WDFY4: variants seen among roughly 807,000 people sequenced by gnomAD.
The protein encoded by WDFY4 is WDFY family member 4.
In WDFY4, 169 loss-of-function variants were observed where a neutral mutation model predicts 351.9. The ratio of observed to expected loss-of-function variants is 0.48; its 90% CI spans 0.42 to 0.55. WDFY4 has a LOEUF of 0.55. Ranked by LOEUF, WDFY4 falls within the 20% of genes least tolerant of loss-of-function variation. The pLI, the probability that WDFY4 is intolerant of heterozygous loss-of-function variation, is 0.00. For missense variants in WDFY4, 3,803 were observed against 3,935.6 expected (o/e 0.97, Z 0.90); for synonymous variants, 1,622 against 1,574.6 (o/e 1.03, Z -0.71).
In WDFY4 at chr10:48,774,503, C is replaced by G; in HGVS notation, c.2599C>G (p.Leu867Val). The G allele has an allele frequency of 6.4e-7, 1 of 1,551,754 alleles. No individual in the cohort carries two copies. Among genetic ancestry groups the G allele is most frequent in the Non-Finnish European group, 8.7e-7 (1 of 1,147,010 alleles). Residue 867 changes from leucine (L) to valine (V), a missense_variant, in exon 14 of 62, where the codon CTG becomes GTG. Physicochemically the swap from Leu to Val is conservative, Grantham distance 32. This residue lies in a region of WDFY4 where 3,054 missense variants were observed against 3,148.6 expected (regional missense o/e 0.97). Transcript: ENST00000325239. ...CTCCCTGGCCAGTCATATCCAGTCC[C>G]TGGTGAAGTCGGAGAAGAACCGCCA... is the stretch of plus-strand genomic sequence containing the variant. Reference protein sequence around the residue: ...QCSLASHIQSLVKSEKNRQVM... With the variant: ...QCSLASHIQSVVKSEKNRQVM...
rs1460696387 is a variant in WDFY4 at position 48,837,106 on chromosome 10, A to G, written c.6663+4397A>G. ...TGTAACTTTTATGAAAATTGAAAATATTCTAAAATGCAATGTGTGTCATCA... is the reference window on the plus strand; with the variant it reads ...TGTAACTTTTATGAAAATTGAAAATGTTCTAAAATGCAATGTGTGTCATCA... On this transcript the variant is annotated intron_variant, in intron 39 of 61. Coordinates refer to ENST00000325239, the MANE Select transcript of WDFY4 (RefSeq NM_001394531.1). 2.6e-5 allele frequency among the ~76,000 whole-genome samples: 4 copies of G among 152,104 alleles called. No individual in the cohort carries two copies. In the East Asian group the frequency reaches 7.7e-4, roughly 29 times the overall value.
intron 43 of WDFY4, among the ~76,000 whole-genome samples, chr10:48,889,969 T>C (rs1297390527): frequency 6.6e-6 from 1 of 152,232 alleles, no homozygotes; most frequent in Non-Finnish European, 1.5e-5. Context: ...CCAGGGGCTG[T>C]ATTCAGCTAA....
chr10:48,943,293 C>T (rs1372078817), intron 48 of WDFY4, 37 bp from the exon 49 acceptor site: 6 of 1,548,568 alleles, frequency 3.9e-6, no homozygotes, highest in Non-Finnish European at 5.2e-6. Flanking sequence ...GAGCATCAAA[C>T]GTATTTGGTT....
intron 47 of WDFY4, among the ~76,000 whole-genome samples, chr10:48,932,936 G>T (rs567361916): frequency 6.6e-6 from 1 of 152,286 alleles, no homozygotes; most frequent in East Asian, 1.9e-4. Context: ...GGAGGGCGAA[G>T]AGCTGAGCAA....
chr10:48,732,540 C>T (rs1345606640), intron 9 of WDFY4, among the ~76,000 whole-genome samples: 1 of 152,184 alleles, frequency 6.6e-6, no homozygotes, highest in African/African-American at 2.4e-5. Flanking sequence ...TGTCTGTTTC[C>T]TGGGCCTCTC....
At chr10:48,980,099 G>A (rs529530407) in intron 60 of WDFY4, 1 of 152,164 alleles carries the variant, frequency 6.6e-6, no homozygotes, top group Non-Finnish European at 1.5e-5. Flanking sequence ...CTGACCCTAA[G>A]TCTCTGCCAC....
At chr10:48,872,780 C>A (rs1449102771) in intron 40 of WDFY4, among the ~76,000 whole-genome samples, 1 of 152,118 alleles carries the variant, frequency 6.6e-6, no homozygotes, top group Non-Finnish European at 1.5e-5. Context: ...AGTCAGAGAC[C>A]ACAGATGCAA....
At chr10:48,814,279 A>G (rs897646363) in intron 31 of WDFY4, among the ~76,000 whole-genome samples, 197 bp downstream of exon 31, 1 of 152,210 alleles carries the variant, frequency 6.6e-6, no homozygotes, top group Non-Finnish European at 1.5e-5. Flanking sequence ...TCTGAGCTTT[A>G]TGTGCTCTTG....
At chr10:48,839,857 C>G (rs1387387656) in intron 39 of WDFY4, among the ~76,000 whole-genome samples, 1 of 152,268 alleles carries the variant, frequency 6.6e-6, no homozygotes, top group Non-Finnish European at 1.5e-5. Flanking sequence ...AACTGCTCTA[C>G]TGGCGTGAGC....
chr10:48,810,019 A>C (rs757803378), intron 28 of WDFY4, among the ~76,000 whole-genome samples: 1 of 151,948 alleles, frequency 6.6e-6, no homozygotes, highest in African/African-American at 2.4e-5. Flanking sequence ...CTCCAGACTC[A>C]TCATTTTTGA....
At chr10:48,788,400 G>A in intron 20 of WDFY4, 130 bp from the exon 21 acceptor site, 2 of 1,137,936 alleles carry the variant, frequency 1.8e-6, no homozygotes, top group Non-Finnish European at 2.5e-6. Context: ...GCAAAAACAT[G>A]CAATGTGACA....
rs1334913861 is a variant in WDFY4 at position 48,777,424 on chromosome 10, T to A, written c.3104T>A (p.Leu1035Ter). ...FDMSVEGYGC[L>*]FIPTLSTVMG... ...AGACAATTTTCTATTTCCAGCTGTT[T>A]GTTTATTCCAACCCTGTCCACAGTT... The change falls in exon 17 of 62, where the codon TTG becomes TAG. Residue 1035 changes from leucine (L) to a stop codon, truncating the protein, a stop_gained. Transcript: ENST00000325239. LOFTEE classifies it high-confidence loss of function. 3 of 1,551,718 alleles carry A rather than the reference T, an allele frequency of 1.9e-6. No homozygotes were observed. Among genetic ancestry groups the A allele is most frequent in the Non-Finnish European group, 2.6e-6 (3 of 1,146,992 alleles).
At chr10:48,957,320 G>T in intron 52 of WDFY4, 38 bp downstream of exon 52, 1 of 1,539,178 alleles carries the variant, frequency 6.5e-7, no homozygotes, top group Non-Finnish European at 8.8e-7. Flanking sequence ...GAGTGGCGTT[G>T]CAGGGTGCTC....
intron 12 of WDFY4, among the ~76,000 whole-genome samples, chr10:48,756,067 C>A (rs1274761507): frequency 1.3e-5 from 2 of 151,976 alleles, no homozygotes; most frequent in African/African-American, 2.4e-5. Flanking sequence ...TACAAAAATT[C>A]CTGCTGGGAT....
intron 44 of WDFY4, among the ~76,000 whole-genome samples, chr10:48,891,934 A>G (rs531963644): frequency 6.6e-6 from 1 of 152,364 alleles, no homozygotes; most frequent in South Asian, 2.1e-4. Flanking sequence ...TTAGATCAAA[A>G]TGCTTTAAAA....
chr10:48,853,226 T>C lies in WDFY4; in HGVS notation c.6664-14039T>C, dbSNP rs191541876. On this transcript the variant is annotated intron_variant, in intron 39 of 61. Transcript: ENST00000325239. Reference sequence around the variant, plus strand: ...TTATCTCTCAGGAGTCTCTGTCGCCTGGTTGCTAATGACTCACAAGTCCAC... The same window carrying C: ...TTATCTCTCAGGAGTCTCTGTCGCCCGGTTGCTAATGACTCACAAGTCCAC... 1.9e-4 allele frequency among the ~76,000 whole-genome samples: 29 copies of C among 152,278 alleles called. No individual in the cohort carries two copies. The East Asian group carries it at 5.6e-3, about 29-fold the overall frequency.
At chr10:48,831,529 G>A (rs1055029467) in intron 38 of WDFY4, among the ~76,000 whole-genome samples, 1 of 152,184 alleles carries the variant, frequency 6.6e-6, no homozygotes, top group African/African-American at 2.4e-5. Flanking sequence ...TTATTTCCAT[G>A]TATATTGTCC....
At chr10:48,891,888 G>A (rs1206268512) in intron 44 of WDFY4, among the ~76,000 whole-genome samples, 1 of 152,252 alleles carries the variant, frequency 6.6e-6, no homozygotes, top group Non-Finnish European at 1.5e-5. Flanking sequence ...AGTTGAAGGA[G>A]TGCGGAAGAG....
At chr10:48,920,966 A>C (rs185733262) in intron 47 of WDFY4, among the ~76,000 whole-genome samples, 97 of 152,336 alleles carry the variant, frequency 6.4e-4, no homozygotes, top group Non-Finnish European at 1.2e-3. Context: ...GATTTTTATA[A>C]TGAAAATTAT....
Sources: gnomAD v4.1 joint callset for allele counts (sites outside exome capture counted in the v4.1 genomes callset) on GRCh38, gnomAD v4.1.1 for gene constraint, gnomAD v4.1.1 regional missense constraint, MANE v1.5 for transcripts, NCBI Gene and HGNC (gene_info 2026-07-23, HGNC 2026-07-21) for gene names.